MAPK6: variants seen among roughly 807,000 people sequenced by gnomAD.
The protein encoded by MAPK6 is mitogen-activated protein kinase 6, also known as ERK-3.
Under a neutral mutation model 59.3 loss-of-function variants are expected in MAPK6, and 19 were observed. The observed-to-expected ratio is 0.32, with a 90% CI of 0.22 to 0.47. MAPK6 has a LOEUF of 0.47. Among genes scored for constraint, MAPK6 ranks in the 20% least tolerant of loss-of-function variants. The pLI, the probability that MAPK6 is intolerant of heterozygous loss-of-function variation, is 1.00. For synonymous variants in MAPK6, 316 were observed against 290.3 expected, an observed-to-expected ratio of 1.09 and a Z score of -0.90; for missense variants, 724 against 847.9, an observed-to-expected ratio of 0.85 and a Z score of 1.81.
chr15:51,973,236 A>G (rs2057143770), intron 1 of MAPK6, among the ~76,000 whole-genome samples: 1 of 152,056 alleles, frequency 6.6e-6, no homozygotes, highest in East Asian at 1.9e-4. Flanking sequence ...GCAAGAGAAG[A>G]TACATAGATA....
chr15:52,061,244 T>C (rs776132434), intron 4 of MAPK6, 55 bp from the exon 5 acceptor site: 47 of 1,335,296 alleles, frequency 3.5e-5, no homozygotes, highest in Non-Finnish European at 5.0e-5. Context: ...ACATTTACTG[T>C]TTTTCTAAAG....
At chr15:52,001,701 G>A (rs1440120351) in intron 2 of MAPK6, among the ~76,000 whole-genome samples, 1 of 151,856 alleles carries the variant, frequency 6.6e-6, no homozygotes, top group East Asian at 1.9e-4. Context: ...TAGAGACAGG[G>A]TTTCACCATG....
At chr15:52,018,995 A>T (rs2030364081), upstream of MAPK6, 1 of 152,344 alleles carries the variant, frequency 6.6e-6, no homozygotes, top group African/African-American at 2.4e-5. Flanking sequence ...GTAGTAGAGC[A>T]AACGGCCCCA....
chr15:52,007,882 C>T (rs1265094549), intron 3 of MAPK6, among the ~76,000 whole-genome samples: 3 of 150,036 alleles, frequency 2.0e-5, no homozygotes, highest in African/African-American at 7.4e-5. Context: ...AGTTCCACTC[C>T]GTCACCCAGG....
intron 1 of MAPK6, among the ~76,000 whole-genome samples, chr15:52,023,665 G>T (rs1411069808): frequency 6.6e-6 from 1 of 152,204 alleles, no homozygotes; most frequent in Non-Finnish European, 1.5e-5. Context: ...AGGCTGGAGC[G>T]CAGTCGCGCC....
Position 52,064,073 on chromosome 15 carries a change from T to A in MAPK6, c.1239T>A (p.Pro413=). ...ATCGGGAAAAGTATCTGGAGGATCC[T>A]GCTTTTGATACCAATTACTCTACTG... The part of the protein sequence containing the change: ...DGDREKYLED[P]AFDTNYSTEP... Residue 413 remains proline (P), a synonymous_variant, in exon 6 of 6, where the codon CCT becomes CCA. Transcript: ENST00000261845. 6.2e-7 allele frequency: 1 copy of A among 1,613,000 alleles called. No individual in the cohort carries two copies. Among genetic ancestry groups the A allele is most frequent in the Non-Finnish European group, 8.5e-7 (1 of 1,179,466 alleles).
intron 2 of MAPK6, among the ~76,000 whole-genome samples, chr15:52,049,348 A>G (rs558061648): frequency 1.1e-4 from 14 of 131,234 alleles, no homozygotes; most frequent in Admixed American, 9.0e-4. Flanking sequence ...CTAGAGTTAT[A>G]TAATTTTTTT....
intron 1 of MAPK6, among the ~76,000 whole-genome samples, chr15:52,025,611 G>C (rs1342968838): frequency 6.6e-6 from 1 of 152,140 alleles, no homozygotes; most frequent in Non-Finnish European, 1.5e-5. Flanking sequence ...GACCATCCTA[G>C]CTAACATGGT....
At chr15:51,991,508 C>T (rs764156221) in intron 2 of MAPK6, among the ~76,000 whole-genome samples, 2 of 152,086 alleles carry the variant, frequency 1.3e-5, no homozygotes, top group African/African-American at 4.8e-5. Flanking sequence ...TATTACATAA[C>T]GCGACAAATG....
intron 1 of MAPK6, among the ~76,000 whole-genome samples, chr15:52,028,511 A>G (rs1595982794): frequency 2.6e-5 from 4 of 152,356 alleles, no homozygotes; most frequent in Admixed American, 2.6e-4. Flanking sequence ...GGTAGCTACT[A>G]ATCAATAGTG....
intron 2 of MAPK6, among the ~76,000 whole-genome samples, chr15:51,994,248 C>T (rs1386656889): frequency 6.6e-6 from 1 of 152,128 alleles, no homozygotes. Flanking sequence ...GTGTGAGCCA[C>T]CGCGCCTGGC....
At position 52,065,037 on chromosome 15, in the gene MAPK6, A is replaced by T. The variant is rs763500374; in HGVS notation, c.*37A>T. The T allele has an allele frequency of 7.7e-5, 118 of 1,524,266 alleles. No individual in the cohort carries two copies. The highest frequency in any genetic ancestry group is 1.0e-4 in the Non-Finnish European group (116 of 1,133,854). 94.4% of individuals were successfully genotyped at this position (1,524,266 alleles called of 1,614,324 possible). On this transcript the variant is annotated 3_prime_UTR_variant, in exon 6 of 6. Coordinates refer to ENST00000261845, the MANE Select transcript of MAPK6 (RefSeq NM_002748.4). ...GACATTTATCTTTGTATTCTTCATG[A>T]AATGTGTTTTGTCTTTTTTTATTAC...
intron 1 of MAPK6, among the ~76,000 whole-genome samples, chr15:52,042,331 A>G (rs914830289): frequency 2.6e-5 from 4 of 152,280 alleles, no homozygotes; most frequent in East Asian, 3.9e-4. Flanking sequence ...TATAAATACT[A>G]CCTTCTCTTG....
chr15:52,060,673 T>C (rs2032164833), intron 4 of MAPK6, among the ~76,000 whole-genome samples: 1 of 152,194 alleles, frequency 6.6e-6, no homozygotes, highest in African/African-American at 2.4e-5. Flanking sequence ...GACTATTTTA[T>C]GGGAAGAACT....
In MAPK6 at chr15:52,058,688, T is replaced by C; in HGVS notation, c.756T>C (p.His252=). 6.2e-7 allele frequency: 1 copy of C among 1,613,628 alleles called. No individual in the cohort carries two copies. Among genetic ancestry groups the C allele is most frequent in the Non-Finnish European group, 8.5e-7 (1 of 1,179,762 alleles). ...QLILESIPVV[H]EEDRQELLSV... ...TTTTAGAATCTATTCCTGTTGTACATGAGGAAGATCGTCAGGAGCTTCTCA... is the reference window on the plus strand; with the variant it reads ...TTTTAGAATCTATTCCTGTTGTACACGAGGAAGATCGTCAGGAGCTTCTCA... Residue 252 remains histidine (H), a synonymous_variant, in exon 4 of 6, where the codon CAT becomes CAC. Transcript: ENST00000261845.
At chr15:52,041,783 C>CA (rs1339572371) in intron 1 of MAPK6, among the ~76,000 whole-genome samples, 1 of 152,148 alleles carries the variant, frequency 6.6e-6, no homozygotes, top group Non-Finnish European at 1.5e-5. Context: ...TTTATGGCTA[C>CA]CAGGCACACA....
chr15:52,022,977 C>T (rs542286923), intron 1 of MAPK6, among the ~76,000 whole-genome samples: 33 of 151,850 alleles, frequency 2.2e-4, no homozygotes, highest in East Asian at 1.9e-4. Flanking sequence ...TGTGGTGGCA[C>T]GTGCCTGTAA....
chr15:52,060,893 A>G (rs140995532), intron 4 of MAPK6, among the ~76,000 whole-genome samples: 37 of 152,306 alleles, frequency 2.4e-4, no homozygotes, highest in African/African-American at 8.7e-4. Context: ...ATCTATGTCT[A>G]CTTTATGCAT....
chr15:51,977,288 C>T (rs2057160205), intron 1 of MAPK6, among the ~76,000 whole-genome samples: 1 of 151,636 alleles, frequency 6.6e-6, no homozygotes, highest in African/African-American at 2.4e-5. Context: ...CAGACGTGAG[C>T]CACTGCGCCC....
Sources: gnomAD v4.1 joint callset for allele counts (sites outside exome capture counted in the v4.1 genomes callset) on GRCh38, gnomAD v4.1.1 for gene constraint, MANE v1.5 for transcripts, NCBI Gene and HGNC (gene_info 2026-07-23, HGNC 2026-07-21) for gene names.